The following PCDH11X variants were observed in gnomAD, a reference collection of about 807,000 sequenced individuals.
PCDH11X encodes the protein protocadherin-11 X-linked.
PCDH11X carries 18 observed loss-of-function variants against 53.3 expected under a neutral mutation model. The observed-to-expected ratio is 0.34, with a 90% CI of 0.23 to 0.50. PCDH11X has a LOEUF of 0.50. Among genes scored for constraint, PCDH11X ranks in the 20% least tolerant of loss-of-function variants. PCDH11X has a pLI of 0.98. For missense variants in PCDH11X, 570 were observed against 1,032.4 expected (o/e 0.55, Z 6.14); for synonymous variants, 279 against 393.3 (o/e 0.71, Z 3.44).
At chrX:92,319,560 A>G (rs964590966) in intron 8 of PCDH11X, among the ~76,000 whole-genome samples, 1 of 110,653 alleles carries the variant, frequency 9.0e-6, no homozygotes, top group African/African-American at 3.3e-5. Context: ...GGGTCTCACT[A>G]TGTTGTCCAG....
chrX:91,861,035 C>A (rs1293089665), intron 5 of PCDH11X, among the ~76,000 whole-genome samples: 1 of 111,506 alleles, frequency 9.0e-6, no homozygotes, highest in Non-Finnish European at 1.9e-5. Flanking sequence ...TTGTTTGGAA[C>A]AATTTCAGAA....
chrX:91,911,247 A>T (rs1431996908), intron 6 of PCDH11X, among the ~76,000 whole-genome samples: 2 of 109,619 alleles, frequency 1.8e-5, no homozygotes, highest in African/African-American at 6.6e-5. Context: ...TCCACTTTTC[A>T]TGTCCAGGGA....
chrX:92,039,561 C>T (rs1399518894), intron 6 of PCDH11X, among the ~76,000 whole-genome samples: 1 of 110,916 alleles, frequency 9.0e-6, no homozygotes, highest in African/African-American at 3.3e-5. Context: ...AAGGGCTGCT[C>T]AGTCAGCTTG....
chrX:92,084,974 G>GA (rs11354572), intron 6 of PCDH11X, among the ~76,000 whole-genome samples: 7,847 of 103,691 alleles, frequency 0.076, 462 homozygotes, highest in East Asian at 0.44. Flanking sequence ...AAAACTATTG[G>GA]AAAAAAAAAA....
chrX:92,416,974 G>A (rs989000359), intron 9 of PCDH11X, among the ~76,000 whole-genome samples: 15 of 109,585 alleles, frequency 1.4e-4, no homozygotes, highest in Non-Finnish European at 1.9e-4. Context: ...TTCATATACC[G>A]GACAATTACT....
chrX:91,841,905 A>G (rs774837248), intron 5 of PCDH11X, among the ~76,000 whole-genome samples: 1 of 93,948 alleles, frequency 1.1e-5, no homozygotes, highest in Non-Finnish European at 2.1e-5. Context: ...ATCAGAGGTG[A>G]TGACACCTTG....
chrX:92,190,981 C>T (rs1027504684), intron 6 of PCDH11X, among the ~76,000 whole-genome samples: 1 of 111,529 alleles, frequency 9.0e-6, no homozygotes, highest in African/African-American at 3.2e-5. Context: ...CAAATCTTTC[C>T]CAATGCCCTA....
intron 9 of PCDH11X, among the ~76,000 whole-genome samples, chrX:92,441,122 G>A (rs1603315517): frequency 9.2e-6 from 1 of 108,259 alleles, no homozygotes. Context: ...GGTATCTGGT[G>A]GAAGAAATTT....
chrX:91,798,041 GC>G (rs1450438872), intron 1 of PCDH11X: 1 of 105,641 alleles, frequency 9.5e-6, no homozygotes, highest in Non-Finnish European at 1.9e-5. Context: ...TAAGCTTTAT[GC>G]TTTTTTTCTT....
chrX:92,054,317 T>A (rs1486379099), intron 6 of PCDH11X, among the ~76,000 whole-genome samples: 2 of 111,923 alleles, frequency 1.8e-5, no homozygotes, highest in Admixed American at 9.5e-5. Context: ...GCAACCTTTT[T>A]AAAATCACTT....
At chrX:92,125,736 T>A (rs1482576468) in intron 6 of PCDH11X, among the ~76,000 whole-genome samples, 1 of 110,187 alleles carries the variant, frequency 9.1e-6, no homozygotes, top group African/African-American at 3.3e-5. Context: ...GCCATGTTGG[T>A]GTGCTGCACT....
chrX:91,890,510 T>C (rs1940427407), intron 6 of PCDH11X, among the ~76,000 whole-genome samples: 1 of 110,149 alleles, frequency 9.1e-6, no homozygotes, highest in African/African-American at 3.3e-5. Context: ...ATATAAAAAA[T>C]TAAATTGATT....
chrX:91,952,227 G>A (rs774517284), intron 6 of PCDH11X, among the ~76,000 whole-genome samples: 2 of 110,580 alleles, frequency 1.8e-5, no homozygotes, highest in East Asian at 5.7e-4. Context: ...GATATTTATT[G>A]CAGTTTAAAG....
intron 6 of PCDH11X, among the ~76,000 whole-genome samples, chrX:92,126,178 T>C (rs1280710870): frequency 9.0e-6 from 1 of 111,227 alleles, no homozygotes; most frequent in African/African-American, 3.3e-5. Context: ...CGTTTTCTGA[T>C]TAGTTCAAGA....
intron 6 of PCDH11X, among the ~76,000 whole-genome samples, chrX:92,020,710 A>G (rs1190938504): frequency 9.0e-6 from 1 of 110,620 alleles, no homozygotes; most frequent in Non-Finnish European, 1.9e-5. Context: ...GCTTTGTTAA[A>G]CGGGTCCTGC....
intron 6 of PCDH11X, among the ~76,000 whole-genome samples, chrX:92,040,491 G>A (rs996119646): frequency 1.8e-5 from 2 of 110,943 alleles, no homozygotes; most frequent in African/African-American, 3.3e-5. Flanking sequence ...TCCTCCAGTC[G>A]CTGTTGTTTC....
chrX:92,584,479 C>G (rs750325297), intron 10 of PCDH11X, among the ~76,000 whole-genome samples: 1 of 111,299 alleles, frequency 9.0e-6, no homozygotes, highest in African/African-American at 3.3e-5. Context: ...TAATTATGAA[C>G]AACTTTTTCC....
At chrX:92,132,043 G>A (rs1354172519) in intron 6 of PCDH11X, among the ~76,000 whole-genome samples, 2 of 101,338 alleles carry the variant, frequency 2.0e-5, no homozygotes. Context: ...AGGCCGAGGT[G>A]GGAGGATCAC....
intron 5 of PCDH11X, among the ~76,000 whole-genome samples, chrX:91,841,824 T>A (rs1343288719): frequency 1.0e-5 from 1 of 96,017 alleles, no homozygotes; most frequent in Non-Finnish European, 2.1e-5. Flanking sequence ...GTGGAGACAC[T>A]CTCTTAGTGA....
Sources: gnomAD v4.1 joint callset for allele counts (sites outside exome capture counted in the v4.1 genomes callset) on GRCh38, gnomAD v4.1.1 for gene constraint, MANE v1.5 for transcripts, NCBI Gene and HGNC (gene_info 2026-07-23, HGNC 2026-07-21) for gene names.